The following SEC31B variants were observed in gnomAD, a reference collection of about 807,000 sequenced individuals.
The protein encoded by SEC31B is protein transport protein Sec31B.
SEC31B carries 113 observed loss-of-function variants against 135.0 expected under a neutral mutation model. That is an observed-to-expected ratio of 0.84 (90% confidence interval 0.72 to 0.98). The LOEUF (loss-of-function observed/expected upper bound fraction) is 0.98. Among genes scored for constraint, SEC31B ranks in the 50% least tolerant of loss-of-function variants. The pLI, the probability that SEC31B is intolerant of heterozygous loss-of-function variation, is 0.00. For missense variants in SEC31B, 1,296 were observed against 1,421.1 expected, an observed-to-expected ratio of 0.91 and a Z score of 1.42; for synonymous variants, 508 against 549.4, an observed-to-expected ratio of 0.92 and a Z score of 1.05.
At chr10:100,518,542 T>C (rs186889002) in intron 1 of SEC31B, among the ~76,000 whole-genome samples, 4 of 152,352 alleles carry the variant, frequency 2.6e-5, no homozygotes, top group Admixed American at 1.3e-4. Flanking sequence ...ATGTTGTAAC[T>C]AGTTTCCAAA....
chr10:100,498,261 GC>G, intron 14 of SEC31B, 54 bp from the exon 15 acceptor site: 1 of 1,572,858 alleles, frequency 6.4e-7, no homozygotes, highest in Non-Finnish European at 8.7e-7. Context: ...CCAACTTCCT[GC>G]CCCCTGCAGG....
chr10:100,496,023 G>A (rs564301797), intron 18 of SEC31B, among the ~76,000 whole-genome samples: 43 of 152,242 alleles, frequency 2.8e-4, no homozygotes, highest in African/African-American at 1.0e-3. Flanking sequence ...GACTTCTCCA[G>A]GCAAAAATCA....
At chr10:100,505,241 G>A (rs1851603429) in intron 10 of SEC31B, 120 bp downstream of exon 10, 1 of 1,272,466 alleles carries the variant, frequency 7.9e-7, no homozygotes, top group Admixed American at 2.2e-5. Flanking sequence ...GACAGAGGCA[G>A]TGGGAATACG....
In SEC31B at chr10:100,489,274, A is replaced by G. The variant is rs1564647551; in HGVS notation, c.3149T>C (p.Val1050Ala). 1 of 1,608,146 alleles carries G rather than the reference A, an allele frequency of 6.2e-7. No homozygotes were observed. Among genetic ancestry groups the G allele is most frequent in the East Asian group, 2.2e-5 (1 of 44,816 alleles). Residue 1050 changes from valine (V) to alanine (A), a missense_variant, in exon 23 of 26, where the codon GTT (valine) becomes GCT (alanine). Transcript: ENST00000370345. Reference protein sequence around the residue: ...VSSVSHAPPGVPGELSLQLQH... With the variant: ...VSSVSHAPPGAPGELSLQLQH... ...CACCTGCAGGCTGAGTTCTCCTGGA[A>G]CTCCTGGGGGAGCATGACTCACACT...
At position 100,502,341 on chromosome 10, in the gene SEC31B, C is replaced by A; in HGVS notation, c.1323G>T (p.Leu441Phe). Residue 441 changes from leucine (L) to phenylalanine (F), a missense_variant, in exon 11 of 26, where the codon TTG (leucine) becomes TTT (phenylalanine). Coordinates refer to ENST00000370345, the MANE Select transcript of SEC31B (RefSeq NM_015490.4). Reference sequence around the variant, plus strand: ...AGTAATTCAGTAGATTTCCTGATCCCAAGGCCTCCTGCAGCTCAGCTGATC... The same window carrying A: ...AGTAATTCAGTAGATTTCCTGATCCAAAGGCCTCCTGCAGCTCAGCTGATC... ...LMRSAELQEA[L>F]GSGNLLNYCQ... 2 of 1,614,142 alleles carry A rather than the reference C, an allele frequency of 1.2e-6. No homozygotes were observed. Among genetic ancestry groups the A allele is most frequent in the Non-Finnish European group, 1.7e-6 (2 of 1,180,020 alleles).
intron 21 of SEC31B, 119 bp from the exon 22 acceptor site, chr10:100,489,880 T>A (rs1030554555): frequency 3.9e-6 from 6 of 1,554,564 alleles, no homozygotes; most frequent in Non-Finnish European, 4.3e-6. Context: ...CTGCAGACCA[T>A]CTACACTCCC....
intron 12 of SEC31B, 46 bp downstream of exon 12, chr10:100,499,478 T>C: frequency 6.8e-7 from 1 of 1,480,454 alleles, no homozygotes. Context: ...AACATTCTCT[T>C]CTTCTCTTCA....
At chr10:100,514,609 G>A (rs1026957474) in intron 3 of SEC31B, among the ~76,000 whole-genome samples, 1 of 151,206 alleles carries the variant, frequency 6.6e-6, no homozygotes, top group Non-Finnish European at 1.5e-5. Context: ...TGATGCAGGA[G>A]CTCAAGAAAG....
chr10:100,506,326 T>C lies in SEC31B; in HGVS notation c.877A>G (p.Ser293Gly). ...SQILCRNLGS[S>G]EVVYKLPTQS... Reference sequence around the variant, plus strand: ...CCACAGAAGGGCCAGCCTACCTCACTGCTCCCCAGGTTCCGGCACAAGATC... The same window carrying C: ...CCACAGAAGGGCCAGCCTACCTCACCGCTCCCCAGGTTCCGGCACAAGATC... The change falls in exon 8 of 26, where the codon AGT becomes GGT. Residue 293 changes from serine to glycine, a missense_variant. Ser to Gly is a moderately conservative substitution (Grantham distance 56, BLOSUM62 0). Coordinates refer to ENST00000370345, the MANE Select transcript of SEC31B (RefSeq NM_015490.4). 6.2e-7 allele frequency: 1 copy of C among 1,614,140 alleles called. No homozygotes were observed.
chr10:100,497,536 A>C, intron 16 of SEC31B, 131 bp downstream of exon 16: 1 of 1,549,282 alleles, frequency 6.5e-7, no homozygotes, highest in Non-Finnish European at 8.7e-7. Flanking sequence ...TGGCTGAGCC[A>C]GATTCTAGCC....
At chr10:100,487,915 G>C in intron 25 of SEC31B, 112 bp downstream of exon 25, 1 of 1,506,800 alleles carries the variant, frequency 6.6e-7, no homozygotes, top group Non-Finnish European at 9.2e-7. Context: ...CACGTATTTT[G>C]TGGGGAACCC....
intron 1 of SEC31B, among the ~76,000 whole-genome samples, chr10:100,519,474 G>A (rs2133703685): frequency 6.6e-6 from 1 of 152,368 alleles, no homozygotes; most frequent in Middle Eastern, 3.4e-3. Context: ...CAAACGCAGC[G>A]ACACCGGACG....
chr10:100,499,335 T>C (rs911835607), intron 12 of SEC31B, 77 bp from the exon 13 acceptor site: 1 of 1,227,968 alleles, frequency 8.1e-7, no homozygotes, highest in Non-Finnish European at 1.2e-6. Flanking sequence ...CCTATCTCCA[T>C]ACCCCACCAA....
rs760642081 is a variant in SEC31B, at chr10:100,502,246, C to T, written c.1410+8G>A. Reference sequence around the variant, plus strand: ...CACTTCTGAGCAGCTAGCCTTCAGGCTTCCCACCTTCAGGAACTGCCACAG... The same window carrying T: ...CACTTCTGAGCAGCTAGCCTTCAGGTTTCCCACCTTCAGGAACTGCCACAG... On this transcript the variant is annotated splice_region_variant and intron_variant, in intron 11 of 25. Coordinates refer to ENST00000370345, the MANE Select transcript of SEC31B (RefSeq NM_015490.4). 1 of 1,610,764 alleles carries T rather than the reference C, an allele frequency of 6.2e-7. No homozygotes were observed. The highest frequency in any genetic ancestry group is 8.5e-7 in the Non-Finnish European group (1 of 1,177,640).
intron 25 of SEC31B, 44 bp downstream of exon 25, chr10:100,487,983 G>A: frequency 3.1e-6 from 5 of 1,591,448 alleles, no homozygotes; most frequent in Non-Finnish European, 4.3e-6. Context: ...CATGGTGATG[G>A]TGGAAGTGTA....
intron 1 of SEC31B, among the ~76,000 whole-genome samples, chr10:100,519,514 C>T (rs922251687): frequency 6.6e-6 from 1 of 152,252 alleles, no homozygotes; most frequent in African/African-American, 2.4e-5. Flanking sequence ...AGGACCAAGG[C>T]GGATGGGAAG....
At chr10:100,489,879 A>G in intron 21 of SEC31B, 118 bp from the exon 22 acceptor site, 1 of 1,555,514 alleles carries the variant, frequency 6.4e-7, no homozygotes, top group Non-Finnish European at 8.7e-7. Flanking sequence ...TCTGCAGACC[A>G]TCTACACTCC....
Position 100,506,187 on chromosome 10 carries a change from T to C in SEC31B, c.897A>G (p.Leu299=), listed in dbSNP as rs1189870961. ...NLGSSEVVYK[L]PTQSSWCFDV... is the part of the protein sequence containing the mutation. Reference sequence around the variant, plus strand: ...CAAAGCACCAGCTGCTCTGTGTTGGTAGCTTATATACCACCTAATATGAGG... The same window carrying C: ...CAAAGCACCAGCTGCTCTGTGTTGGCAGCTTATATACCACCTAATATGAGG... The change falls in exon 9 of 26, where the codon CTA becomes CTG. Residue 299 remains leucine, a synonymous_variant. Coordinates refer to ENST00000370345, the MANE Select transcript of SEC31B (RefSeq NM_015490.4). 1 of 1,614,202 alleles carries C rather than the reference T, an allele frequency of 6.2e-7. No homozygotes were observed.
intron 24 of SEC31B, among the ~76,000 whole-genome samples, chr10:100,488,376 T>A (rs546820328): frequency 4.0e-5 from 6 of 150,462 alleles, no homozygotes; most frequent in Admixed American, 6.6e-5. Context: ...GGAGAATGGC[T>A]TGAACCCGGG....
Sources: allele counts gnomAD v4.1 joint callset (sites outside exome capture counted in the v4.1 genomes callset), GRCh38; gene constraint gnomAD v4.1.1; transcripts MANE v1.5; gene names NCBI Gene and HGNC (gene_info 2026-07-23, HGNC 2026-07-21).